The following SPIRE1 variants were observed in gnomAD, a reference collection of about 807,000 sequenced individuals.
SPIRE1 encodes spire type actin nucleation factor 1, also known as protein spire homolog 1.
A neutral mutation model predicts 94.1 loss-of-function variants in SPIRE1; 40 were observed. That is an observed-to-expected ratio of 0.43 (90% CI 0.33 to 0.55). SPIRE1 has a LOEUF of 0.55. SPIRE1 is among the 20% of genes least tolerant of loss of function. The probability of loss-of-function intolerance (pLI) is 0.06; values close to 1 mark genes in which losing one functional copy is unlikely to be tolerated. For missense variants in SPIRE1, 838 were observed against 975.2 expected (o/e 0.86, Z 1.87); for synonymous variants, 376 against 371.7 (o/e 1.01, Z -0.13).
At position 12,497,312 on chromosome 18, in the gene SPIRE1, AT is replaced by A. The variant is rs1001862755; in HGVS notation, c.973-1211del. On this transcript the variant is annotated intron_variant, in intron 6 of 16. Transcript: ENST00000409402. ...GTGTTAAAAACAATTTTTTTTAGAA[AT>A]TTTTTTTTTAAACCCAGAAAACCAC... Among the ~76,000 whole-genome samples the A allele has an allele frequency of 6.5e-3, 986 of 151,108 alleles. 7 individuals are homozygous for A. Among genetic ancestry groups the A allele is most frequent in the African/African-American group, 0.022 (928 of 41,258 alleles).
In SPIRE1 at chr18:12,476,908, G is replaced by A. The variant is rs925618366; in HGVS notation, c.1404+2791C>T. Among the ~76,000 whole-genome samples, 10 of 152,084 alleles carry A rather than the reference G, an allele frequency of 6.6e-5. 2 individuals carry two copies. The South Asian group carries it at 1.7e-3, about 25-fold the overall frequency. ...CTGACTTAAGAACTATGATTCATCCGGGTTTAAACCAGTAGCTAGTGACAA... is the reference window on the plus strand; with the variant it reads ...CTGACTTAAGAACTATGATTCATCCAGGTTTAAACCAGTAGCTAGTGACAA... On this transcript the variant is annotated intron_variant, in intron 10 of 16. Transcript: ENST00000409402.
At chr18:12,495,018 C>T (rs1031321031) in intron 7 of SPIRE1, among the ~76,000 whole-genome samples, 1 of 146,118 alleles carries the variant, frequency 6.8e-6, no homozygotes, top group African/African-American at 2.6e-5. Flanking sequence ...TCACCGCACT[C>T]CAGCCTGGGC....
chr18:12,618,532 TCAA>T (rs546257270), intron 2 of SPIRE1, among the ~76,000 whole-genome samples: 16 of 152,302 alleles, frequency 1.1e-4, no homozygotes, highest in Admixed American at 5.2e-4. Flanking sequence ...ACAGGGAAGT[TCAA>T]CAGCTAAAAT....
intron 1 of SPIRE1, among the ~76,000 whole-genome samples, chr18:12,644,020 CCT>C (rs1476092822): frequency 9.6e-5 from 11 of 114,484 alleles, no homozygotes; most frequent in Admixed American, 9.5e-4. Flanking sequence ...ATGGTGAAAC[CCT>C]GTCTCAACCA....
chr18:12,571,297 A>G (rs1440526646), intron 2 of SPIRE1, among the ~76,000 whole-genome samples: 1 of 151,718 alleles, frequency 6.6e-6, no homozygotes, highest in Non-Finnish European at 1.5e-5. Context: ...CTGGTCTCAA[A>G]CTCTTGACCT....
intron 8 of SPIRE1, among the ~76,000 whole-genome samples, chr18:12,487,234 G>C (rs1376709388): frequency 6.6e-6 from 1 of 151,928 alleles, no homozygotes; most frequent in Non-Finnish European, 1.5e-5. Flanking sequence ...ATCTCTTACT[G>C]AGCCTATTTT....
At chr18:12,534,025 C>T (rs913955864) in intron 4 of SPIRE1, among the ~76,000 whole-genome samples, 5 of 151,664 alleles carry the variant, frequency 3.3e-5, no homozygotes, top group Admixed American at 6.6e-5. Context: ...GACAACTTTC[C>T]TCCTTGATCC....
chr18:12,656,593 TCCA>T (rs2038544144), intron 1 of SPIRE1: 3 of 403,130 alleles, frequency 7.4e-6, no homozygotes, highest in Non-Finnish European at 1.0e-5. Context: ...TTTTGACATT[TCCA>T]TCAACTTTCT....
intron 2 of SPIRE1, among the ~76,000 whole-genome samples, chr18:12,605,489 A>T (rs1461170741): frequency 6.6e-6 from 1 of 152,332 alleles, no homozygotes; most frequent in Middle Eastern, 3.4e-3. Context: ...CTGGTAACAG[A>T]GCAAGACTCT....
Position 12,449,591 on chromosome 18 carries a change from GCA to G in SPIRE1, c.*45_*46del. Reference sequence around the variant, plus strand: ...AGCCAGCCCGGCTCAGTGTCCTCGCGCACGGACGCTGACTCGTAGCACAAAAG... The same window carrying G: ...AGCCAGCCCGGCTCAGTGTCCTCGCGCGGACGCTGACTCGTAGCACAAAAG... On this transcript the variant is annotated 3_prime_UTR_variant, in exon 17 of 17. Coordinates refer to ENST00000409402, the MANE Select transcript of SPIRE1 (RefSeq NM_001128626.2). The G allele has an allele frequency of 6.3e-7, 1 of 1,585,284 alleles. No homozygotes were observed. The highest frequency in any genetic ancestry group is 8.6e-7 in the Non-Finnish European group (1 of 1,163,820).
At chr18:12,450,936 A>G in intron 16 of SPIRE1, 1 of 658,910 alleles carries the variant, frequency 1.5e-6, no homozygotes, top group East Asian at 2.9e-5. Context: ...TTGAAAGGAA[A>G]GTTTGATGGA....
At chr18:12,652,140 T>C (rs945084722) in intron 1 of SPIRE1, among the ~76,000 whole-genome samples, 1 of 152,190 alleles carries the variant, frequency 6.6e-6, no homozygotes, top group Non-Finnish European at 1.5e-5. Flanking sequence ...TAATAATTCT[T>C]TGTGGCATGC....
chr18:12,582,117 G>T (rs1281025525), intron 2 of SPIRE1, among the ~76,000 whole-genome samples: 1 of 152,132 alleles, frequency 6.6e-6, no homozygotes, highest in Non-Finnish European at 1.5e-5. Flanking sequence ...TCCTTTGTAT[G>T]CCAGTCAGTT....
upstream of SPIRE1, among the ~76,000 whole-genome samples, chr18:12,659,366 A>G (rs1352499759): frequency 1.3e-5 from 2 of 152,106 alleles, no homozygotes; most frequent in African/African-American, 2.4e-5. Context: ...ACGAAAAGGA[A>G]AATTAAGAAA....
At chr18:12,459,900 C>G in intron 12 of SPIRE1, 1 of 985,832 alleles carries the variant, frequency 1.0e-6, no homozygotes, top group Non-Finnish European at 1.2e-6. Context: ...AAAAGGCGTC[C>G]TTGGCCATAC....
intron 2 of SPIRE1, among the ~76,000 whole-genome samples, chr18:12,606,773 C>T (rs184905342): frequency 6.6e-5 from 10 of 152,272 alleles, no homozygotes; most frequent in East Asian, 3.9e-4. Context: ...TCAAGTGATC[C>T]GCCCACCTCA....
intron 1 of SPIRE1, among the ~76,000 whole-genome samples, chr18:12,644,981 T>C (rs1185485027): frequency 6.6e-6 from 1 of 151,994 alleles, no homozygotes; most frequent in Non-Finnish European, 1.5e-5. Context: ...GGCTCACACA[T>C]GTACATGTAA....
At chr18:12,471,384 CTTTT>C (rs975751031) in intron 10 of SPIRE1, among the ~76,000 whole-genome samples, 2 of 137,616 alleles carry the variant, frequency 1.5e-5, no homozygotes, top group Non-Finnish European at 3.2e-5. Flanking sequence ...TGGTTTCTTT[CTTTT>C]TTTTTTTTTT....
At chr18:12,567,345 C>A (rs530855867) in intron 2 of SPIRE1, among the ~76,000 whole-genome samples, 2 of 152,304 alleles carry the variant, frequency 1.3e-5, no homozygotes, top group South Asian at 4.1e-4. Context: ...GAGAGACACT[C>A]CACATTCATG....
Sources: gnomAD v4.1 joint callset for allele counts (sites outside exome capture counted in the v4.1 genomes callset) on GRCh38, gnomAD v4.1.1 for gene constraint, MANE v1.5 for transcripts, NCBI Gene and HGNC (gene_info 2026-07-23, HGNC 2026-07-21) for gene names.